The following ALKBH8 variants were observed in gnomAD, a reference collection of about 807,000 sequenced individuals.
ALKBH8 encodes the protein tRNA (carboxymethyluridine(34)-5-O)-methyltransferase ALKBH8.
ALKBH8 carries 36 observed loss-of-function variants against 59.8 expected under a neutral mutation model. That is an observed-to-expected ratio of 0.60 (90% confidence interval 0.46 to 0.79). The LOEUF is 0.79. Among genes scored for constraint, ALKBH8 ranks in the 30% least tolerant of loss-of-function variants. The pLI is 0.00. For missense variants in ALKBH8, 768 were observed against 801.0 expected (o/e 0.96, Z 0.50); for synonymous variants, 276 against 273.6 (o/e 1.01, Z -0.09).
At chr11:107,518,308 T>A (rs1482294228) in intron 10 of ALKBH8, among the ~76,000 whole-genome samples, 10 of 152,212 alleles carry the variant, frequency 6.6e-5, no homozygotes, top group Non-Finnish European at 5.9e-5. Context: ...TATGTAGGTA[T>A]TTTTAGACTC....
intron 7 of ALKBH8, among the ~76,000 whole-genome samples, chr11:107,536,169 A>G (rs1170047485): frequency 6.6e-6 from 1 of 152,204 alleles, no homozygotes; most frequent in African/African-American, 2.4e-5. Flanking sequence ...TCTGTTTTCT[A>G]TATGTCACTT....
intron 7 of ALKBH8, 109 bp from the exon 8 acceptor site, chr11:107,532,515 CAT>C: frequency 1.2e-6 from 1 of 819,948 alleles, no homozygotes; most frequent in Non-Finnish European, 2.0e-6. Flanking sequence ...GAGATTAAAA[CAT>C]AATAATGCTT....
At chr11:107,513,517 C>T (rs967494246) in intron 10 of ALKBH8, among the ~76,000 whole-genome samples, 8 of 152,134 alleles carry the variant, frequency 5.3e-5, no homozygotes, top group Non-Finnish European at 1.0e-4. Context: ...AATTACCATT[C>T]GACCCAGCAA....
intron 3 of ALKBH8, 46 bp downstream of exon 3, chr11:107,556,720 A>C: frequency 7.8e-7 from 1 of 1,284,360 alleles, no homozygotes; most frequent in Non-Finnish European, 1.0e-6. Context: ...ATGAAAAGAA[A>C]ACACCCAGAA....
intron 10 of ALKBH8, among the ~76,000 whole-genome samples, chr11:107,519,035 C>T (rs1293060109): frequency 6.6e-6 from 1 of 152,146 alleles, no homozygotes; most frequent in Non-Finnish European, 1.5e-5. Flanking sequence ...GAACTCCTGG[C>T]CTCAAGCGAT....
chr11:107,529,321 C>T (rs2135517681), intron 8 of ALKBH8, among the ~76,000 whole-genome samples: 1 of 152,256 alleles, frequency 6.6e-6, no homozygotes, highest in African/African-American at 2.4e-5. Flanking sequence ...TTAAAAGGAG[C>T]ATTCACATAA....
intron 7 of ALKBH8, among the ~76,000 whole-genome samples, chr11:107,543,519 G>A (rs1000585451): frequency 2.0e-5 from 3 of 152,158 alleles, no homozygotes; most frequent in Non-Finnish European, 2.9e-5. Context: ...GTGTACCCAT[G>A]CCCTGAATAT....
chr11:107,553,028 C>G, intron 5 of ALKBH8, 80 bp downstream of exon 5: 1 of 809,924 alleles, frequency 1.2e-6, no homozygotes, highest in Admixed American at 3.0e-5. Context: ...ACAAAAGAAA[C>G]ATAATCCCCC....
intron 8 of ALKBH8, among the ~76,000 whole-genome samples, chr11:107,531,072 T>C (rs552389439): frequency 6.2e-4 from 95 of 152,018 alleles, no homozygotes; most frequent in Non-Finnish European, 1.2e-3. Context: ...GATCACATCA[T>C]CATTTTTTTT....
intron 10 of ALKBH8, among the ~76,000 whole-genome samples, chr11:107,512,186 C>G (rs1468744178): frequency 1.3e-5 from 2 of 150,038 alleles, no homozygotes; most frequent in East Asian, 4.0e-4. Context: ...CTGCTTAGTT[C>G]TAAGAATATC....
chr11:107,532,292 A>T lies in ALKBH8; in HGVS notation c.878+8T>A, dbSNP rs1391850179. 4 of 1,606,830 alleles carry T rather than the reference A, an allele frequency of 2.5e-6. No individual in the cohort carries two copies. Among genetic ancestry groups the T allele is most frequent in the Non-Finnish European group, 3.4e-6 (4 of 1,174,662 alleles). On this transcript the variant is annotated splice_region_variant and intron_variant, in intron 8 of 11. Coordinates refer to ENST00000428149, the MANE Select transcript of ALKBH8 (RefSeq NM_138775.3). Reference sequence around the variant, plus strand: ...AGAAAAAGAATCCTGTCATATTTCAATACATACCCATGGGTCCAAAGGTAT... The same window carrying T: ...AGAAAAAGAATCCTGTCATATTTCATTACATACCCATGGGTCCAAAGGTAT...
intron 8 of ALKBH8, among the ~76,000 whole-genome samples, chr11:107,527,972 C>T (rs564837): frequency 0.043 from 6,515 of 152,002 alleles, 479 homozygotes; most frequent in African/African-American, 0.15. Flanking sequence ...TACCCTTTAA[C>T]GCAATGAAGA....
At chr11:107,523,397 A>C (rs1393532478) in intron 9 of ALKBH8, among the ~76,000 whole-genome samples, 1 of 152,030 alleles carries the variant, frequency 6.6e-6, no homozygotes, top group Non-Finnish European at 1.5e-5. Flanking sequence ...ATGGAATCTA[A>C]AAAAAAGCTG....
chr11:107,524,083 G>C (rs1380832142), intron 9 of ALKBH8, among the ~76,000 whole-genome samples: 2 of 151,732 alleles, frequency 1.3e-5, no homozygotes, highest in Non-Finnish European at 2.9e-5. Context: ...TTTGAGACAG[G>C]GTCTTGCTCT....
chr11:107,505,365 A>T, intron 11 of ALKBH8, 150 bp from the exon 12 acceptor site: 1 of 765,448 alleles, frequency 1.3e-6, no homozygotes, highest in Non-Finnish European at 1.9e-6. Flanking sequence ...AAAAGAAGAA[A>T]GAGCATTCTG....
chr11:107,525,638 A>G, intron 8 of ALKBH8, 46 bp from the exon 9 acceptor site: 2 of 1,280,484 alleles, frequency 1.6e-6, no homozygotes, highest in Non-Finnish European at 2.0e-6. Context: ...GTATTAATAA[A>G]AATATTTCAG....
rs1862273258 is a variant in ALKBH8, at chr11:107,503,958, C to T, written c.*700G>A. On this transcript the variant is annotated 3_prime_UTR_variant, in exon 12 of 12. Transcript: ENST00000428149. ...TTTATCACTATCTGGCACATAGTAT[C>T]TATTTATTGATTTGCCTGCTGTCTG... 1 of 152,224 alleles carries T rather than the reference C, an allele frequency of 6.6e-6. No homozygotes were observed. Among genetic ancestry groups the T allele is most frequent in the African/African-American group, 2.4e-5 (1 of 41,442 alleles). 9.4% of individuals were successfully genotyped at this position (152,224 alleles called of 1,614,324 possible). A position where few individuals can be genotyped will look rare whatever the true frequency, so the allele number is the denominator to read the frequency against.
At chr11:107,505,393 A>G (rs1334201012) in intron 11 of ALKBH8, among the ~76,000 whole-genome samples, 178 bp from the exon 12 acceptor site, 1 of 152,208 alleles carries the variant, frequency 6.6e-6, no homozygotes, top group Non-Finnish European at 1.5e-5. Flanking sequence ...ATTAAGAAAA[A>G]AAGTGTTCAG....
intron 8 of ALKBH8, 63 bp from the exon 9 acceptor site, chr11:107,525,655 A>C (rs1863321539): frequency 2.9e-5 from 34 of 1,159,254 alleles, no homozygotes; most frequent in Admixed American, 3.7e-5. Flanking sequence ...TCAGGCCTTT[A>C]AAAATGTTAA....
Sources: allele counts gnomAD v4.1 joint callset (sites outside exome capture counted in the v4.1 genomes callset), GRCh38; gene constraint gnomAD v4.1.1; transcripts MANE v1.5; gene names NCBI Gene and HGNC (gene_info 2026-07-23, HGNC 2026-07-21).